Variants in AFG1L observed in about 807,000 individuals in gnomAD.
AFG1L encodes AFG1-like ATPase.
In AFG1L, 53 loss-of-function variants were observed where a neutral mutation model predicts 62.2. That is an observed-to-expected ratio of 0.85 (90% CI 0.68 to 1.07). The LOEUF (loss-of-function observed/expected upper bound fraction) is 1.07. Among genes scored for constraint, AFG1L ranks in the 50% least tolerant of loss-of-function variants. The pLI, the probability that AFG1L is intolerant of heterozygous loss-of-function variation, is 0.00. For synonymous variants in AFG1L, 228 were observed against 210.3 expected (o/e 1.08, Z -0.73); for missense variants, 555 against 590.5 (o/e 0.94, Z 0.62).
chr6:108,487,580 T>C (rs1233508187), intron 10 of AFG1L, among the ~76,000 whole-genome samples: 2 of 152,178 alleles, frequency 1.3e-5, no homozygotes, highest in Non-Finnish European at 2.9e-5. Context: ...GCTGTAACAG[T>C]CTCCTTTAAA....
At chr6:108,417,512 A>T (rs2114678793) in intron 7 of AFG1L, among the ~76,000 whole-genome samples, 1 of 152,312 alleles carries the variant, frequency 6.6e-6, no homozygotes, top group South Asian at 2.1e-4. Context: ...TTTTATTTTC[A>T]GTAATCAGTT....
rs1776706963 is a variant in AFG1L at position 108,295,076 on chromosome 6, C to T, written c.-4C>T. 1.2e-6 allele frequency: 2 copies of T among 1,610,890 alleles called. No homozygotes were observed. Among genetic ancestry groups the T allele is most frequent in the Non-Finnish European group, 1.7e-6 (2 of 1,179,986 alleles). ...CCTCTTCCTCTCCTCGTACGGAGTT[C>T]AAGATGGCGGCCTCCTGGTCGCTCT... is the stretch of plus-strand genomic sequence containing the variant. On this transcript the variant is annotated 5_prime_UTR_variant, in exon 1 of 13. Coordinates refer to ENST00000368977, the MANE Select transcript of AFG1L (RefSeq NM_145315.5).
intron 1 of AFG1L, among the ~76,000 whole-genome samples, chr6:108,301,985 G>A (rs556441354): frequency 1.8e-4 from 27 of 146,816 alleles, no homozygotes; most frequent in Non-Finnish European, 3.4e-4. Context: ...TCGTTCTGTT[G>A]CCCAGGCTGG....
chr6:108,369,958 A>G (rs1407502167), intron 6 of AFG1L, among the ~76,000 whole-genome samples: 1 of 151,378 alleles, frequency 6.6e-6, no homozygotes, highest in Non-Finnish European at 1.5e-5. Context: ...CTATCTATCT[A>G]TCTATCTATC....
chr6:108,428,285 C>T (rs1402371401), intron 7 of AFG1L, among the ~76,000 whole-genome samples: 1 of 152,136 alleles, frequency 6.6e-6, no homozygotes, highest in Non-Finnish European at 1.5e-5. Flanking sequence ...TTATTTAATT[C>T]TTTTTAATGG....
At chr6:108,354,859 AGG>A in intron 3 of AFG1L, among the ~76,000 whole-genome samples, 1 of 152,288 alleles carries the variant, frequency 6.6e-6, no homozygotes, top group South Asian at 2.1e-4. Context: ...CTCAGATAAG[AGG>A]GTTCTACTAC....
intron 7 of AFG1L, among the ~76,000 whole-genome samples, chr6:108,412,524 G>A (rs138230340): frequency 0.028 from 4,336 of 152,270 alleles, 96 homozygotes; most frequent in Middle Eastern, 0.085. Flanking sequence ...AGAAAGGTTG[G>A]GTTACCCACA....
chr6:108,470,045 G>A (rs576373124), intron 8 of AFG1L, among the ~76,000 whole-genome samples: 3 of 152,184 alleles, frequency 2.0e-5, no homozygotes, highest in African/African-American at 7.2e-5. Flanking sequence ...CCAAGCCTTT[G>A]GAGAGTTCTT....
intron 2 of AFG1L, among the ~76,000 whole-genome samples, chr6:108,341,372 G>A (rs928258453): frequency 2.6e-5 from 4 of 152,200 alleles, no homozygotes; most frequent in Non-Finnish European, 5.9e-5. Flanking sequence ...AGATCTTTGA[G>A]AGGGATGTGT....
intron 10 of AFG1L, among the ~76,000 whole-genome samples, chr6:108,486,819 C>T (rs1435791525): frequency 6.6e-6 from 1 of 152,106 alleles, no homozygotes; most frequent in African/African-American, 2.4e-5. Flanking sequence ...ATTCCTGTGC[C>T]TCAGCCTCCC....
chr6:108,412,174 G>A (rs1026780568), intron 7 of AFG1L, among the ~76,000 whole-genome samples: 3 of 152,130 alleles, frequency 2.0e-5, no homozygotes, highest in African/African-American at 7.2e-5. Flanking sequence ...AGTGATTGAA[G>A]ATCAAATGAA....
At chr6:108,389,181 G>C (rs1048052222) in intron 6 of AFG1L, among the ~76,000 whole-genome samples, 11 of 152,052 alleles carry the variant, frequency 7.2e-5, no homozygotes, top group African/African-American at 2.7e-4. Context: ...TCTGTTTTTT[G>C]AGAGACTAGG....
chr6:108,430,685 A>C (rs1771034005), intron 7 of AFG1L, among the ~76,000 whole-genome samples: 1 of 152,218 alleles, frequency 6.6e-6, no homozygotes. Context: ...CTGCACAATA[A>C]ATGATTGCCC....
rs371708353 is a variant in AFG1L, at chr6:108,343,363, T to C, written c.364-3625T>C. ...ACGCCCGGCCAACCTTTTTGTTTTTTTTTAGCAGCATTCAGCTCTCTCCAT... is the reference window on the plus strand; with the variant it reads ...ACGCCCGGCCAACCTTTTTGTTTTTCTTTAGCAGCATTCAGCTCTCTCCAT... On this transcript the variant is annotated intron_variant, in intron 2 of 12. Coordinates refer to ENST00000368977, the MANE Select transcript of AFG1L (RefSeq NM_145315.5). Among the ~76,000 whole-genome samples the C allele has an allele frequency of 3.5e-3, 537 of 152,138 alleles. 3 individuals carry two copies. The highest frequency in any genetic ancestry group is 0.01 in the Middle Eastern group (3 of 294).
In AFG1L at chr6:108,366,384, C is replaced by T. The variant is rs777937563; in HGVS notation, c.748+52C>T. ...ATCCAATTAGGTGGAAACTAACAAG[C>T]TTTTAAAAATCCATAATTTTGAACT... On this transcript the variant is annotated intron_variant, in intron 6 of 12. Transcript: ENST00000368977. 7.1e-6 allele frequency: 8 copies of T among 1,119,938 alleles called. No individual in the cohort carries two copies. The East Asian group carries it at 1.9e-4, about 27-fold the overall frequency. 69.4% of individuals were successfully genotyped at this position (1,119,938 alleles called of 1,614,324 possible). A position where few individuals can be genotyped will look rare whatever the true frequency, so the allele number is the denominator to read the frequency against.
At chr6:108,396,553 C>T (rs1781318490) in intron 6 of AFG1L, among the ~76,000 whole-genome samples, 1 of 151,878 alleles carries the variant, frequency 6.6e-6, no homozygotes, top group Non-Finnish European at 1.5e-5. Flanking sequence ...TGCAGTGGTG[C>T]AATCTTGGCT....
At chr6:108,360,486 A>C (rs555141389) in intron 5 of AFG1L, among the ~76,000 whole-genome samples, 1 of 152,166 alleles carries the variant, frequency 6.6e-6, no homozygotes, top group South Asian at 2.1e-4. Context: ...TGTATGTTAG[A>C]GTTGACAACA....
At chr6:108,463,686 C>T (rs1772554440) in intron 8 of AFG1L, among the ~76,000 whole-genome samples, 1 of 152,060 alleles carries the variant, frequency 6.6e-6, no homozygotes, top group African/African-American at 2.4e-5. Context: ...AGTTACTCTC[C>T]AGGTGATTGA....
intron 1 of AFG1L, 21 bp from the exon 2 acceptor site, chr6:108,323,804 A>G (rs760932273): frequency 1.3e-5 from 20 of 1,579,872 alleles, no homozygotes; most frequent in Non-Finnish European, 1.6e-5. Flanking sequence ...AAAGTCTAAA[A>G]TTTTATGTTT....
Sources: gnomAD v4.1 joint callset for allele counts (sites outside exome capture counted in the v4.1 genomes callset) on GRCh38, gnomAD v4.1.1 for gene constraint, MANE v1.5 for transcripts, NCBI Gene and HGNC (gene_info 2026-07-23, HGNC 2026-07-21) for gene names.